Variants in CACNA1C observed in about 807,000 individuals in gnomAD.
CACNA1C encodes the protein calcium voltage-gated channel subunit alpha1 C.
A neutral mutation model predicts 229.0 loss-of-function variants in CACNA1C; 30 were observed. The observed-to-expected ratio is 0.13, with a 90% CI of 0.10 to 0.18. The LOEUF (loss-of-function observed/expected upper bound fraction) is 0.18, where lower values mean the gene tolerates loss of function less well. Among genes scored for constraint, CACNA1C ranks in the 10% least tolerant of loss-of-function variants. The pLI, the probability that CACNA1C is intolerant of heterozygous loss-of-function variation, is 1.00. For synonymous variants in CACNA1C, 1,114 were observed against 1,132.5 expected (o/e 0.98, Z 0.33); for missense variants, 1,658 against 2,845.0 (o/e 0.58, Z 9.49).
chr12:2,575,411 T>A lies in CACNA1C; in HGVS notation c.1896-6179T>A, dbSNP rs2058036397. Among the ~76,000 whole-genome samples, 1 of 152,130 alleles carries A rather than the reference T, an allele frequency of 6.6e-6. No individual in the cohort carries two copies. The highest frequency in any genetic ancestry group is 1.5e-5 in the Non-Finnish European group (1 of 68,028). On this transcript the variant is annotated intron_variant, in intron 13 of 46. Transcript: ENST00000399655. The surrounding 1 kb of genome is among the most constrained non-coding windows in gnomAD (Gnocchi z 4.0). ...ATCCTAATCCCTCCCAGCTCTATTG[T>A]GTCTTAAGGGGCTGGGGCTCAATTT... is the stretch of plus-strand genomic sequence containing the variant.
chr12:2,097,190 G>A (rs544462254), intron 1 of CACNA1C, among the ~76,000 whole-genome samples: 194 of 152,194 alleles, frequency 1.3e-3, no homozygotes, highest in African/African-American at 4.5e-3. Flanking sequence ...CTGTCACCCA[G>A]GCTGGAGTGC....
intron 3 of CACNA1C, among the ~76,000 whole-genome samples, chr12:2,370,789 T>C (rs1413902694): frequency 6.6e-6 from 1 of 152,116 alleles, no homozygotes; most frequent in Non-Finnish European, 1.5e-5. Context: ...ATGAAAAGGA[T>C]CGGGGGGATT....
chr12:2,027,093 C>T (rs992963126), intron 1 of CACNA1C, among the ~76,000 whole-genome samples: 3 of 152,152 alleles, frequency 2.0e-5, no homozygotes, highest in Admixed American at 6.5e-5. Context: ...TGTCATCAGG[C>T]TAGTAAGCCA....
intron 9 of CACNA1C, chr12:2,547,591 G>A: frequency 1.3e-6 from 1 of 764,698 alleles, no homozygotes; most frequent in Non-Finnish European, 2.4e-6. Context: ...ATGGGAAGGT[G>A]TCTCTCTTGA....
chr12:2,396,980 C>T (rs996237239), intron 3 of CACNA1C, among the ~76,000 whole-genome samples: 4 of 152,264 alleles, frequency 2.6e-5, no homozygotes, highest in Non-Finnish European at 4.4e-5. Flanking sequence ...ACTGTTTAGC[C>T]TGTTAGTAGT....
At chr12:2,302,925 T>C (rs1454730408) in intron 3 of CACNA1C, among the ~76,000 whole-genome samples, 1 of 152,248 alleles carries the variant, frequency 6.6e-6, no homozygotes, top group Non-Finnish European at 1.5e-5. Flanking sequence ...CTGGGCTTGC[T>C]GCCTTGGCCA....
At chr12:2,046,658 T>C (rs1242742085) in intron 1 of CACNA1C, among the ~76,000 whole-genome samples, 1 of 152,196 alleles carries the variant, frequency 6.6e-6, no homozygotes, top group Non-Finnish European at 1.5e-5. Flanking sequence ...GTTAGTCATG[T>C]TACCACACCT....
chr12:2,302,688 G>A (rs1325537647), intron 3 of CACNA1C, among the ~76,000 whole-genome samples: 5 of 152,294 alleles, frequency 3.3e-5, no homozygotes, highest in Admixed American at 3.3e-4. Context: ...TACATCAATA[G>A]CTTATTCGCC....
intron 1 of CACNA1C, among the ~76,000 whole-genome samples, chr12:2,093,532 T>G (rs1170028506): frequency 6.6e-6 from 1 of 152,200 alleles, no homozygotes; most frequent in Non-Finnish European, 1.5e-5. Context: ...GCTGGCAACA[T>G]GTGTTCGTAC....
chr12:2,310,772 T>G (rs1258643165), intron 3 of CACNA1C, among the ~76,000 whole-genome samples: 1 of 152,098 alleles, frequency 6.6e-6, no homozygotes, highest in Non-Finnish European at 1.5e-5. Context: ...GCTGGTGTGT[T>G]TTGGAGAGCT....
At chr12:2,126,359 C>T (rs1040796063) in intron 3 of CACNA1C, among the ~76,000 whole-genome samples, 6 of 152,170 alleles carry the variant, frequency 3.9e-5, no homozygotes, top group Admixed American at 3.3e-4. Context: ...GCAGCTGTAA[C>T]CCCTGTCTAC....
At chr12:2,257,662 C>G (rs2078502618) in intron 3 of CACNA1C, among the ~76,000 whole-genome samples, 1 of 152,246 alleles carries the variant, frequency 6.6e-6, no homozygotes, top group South Asian at 2.1e-4. Context: ...GACCCCCGCT[C>G]TAGCGTGTTC....
intron 3 of CACNA1C, among the ~76,000 whole-genome samples, chr12:2,376,903 C>G (rs73607724): frequency 2.6e-5 from 4 of 152,192 alleles, no homozygotes; most frequent in Admixed American, 2.0e-4. Flanking sequence ...AAAGCATGCT[C>G]GCTACGCCCA....
At chr12:2,362,557 T>C (rs2097584217) in intron 3 of CACNA1C, among the ~76,000 whole-genome samples, 1 of 152,206 alleles carries the variant, frequency 6.6e-6, no homozygotes, top group Non-Finnish European at 1.5e-5. Context: ...CTTGTTCTCC[T>C]GCTGGGGTGC....
At chr12:1,979,910 A>G (rs2035613525) in intron 1 of CACNA1C, among the ~76,000 whole-genome samples, 1 of 152,246 alleles carries the variant, frequency 6.6e-6, no homozygotes, top group Non-Finnish European at 1.5e-5. Context: ...GGTAAAATGC[A>G]AATTAAAATC....
chr12:2,257,876 G>A (rs559511986), intron 3 of CACNA1C, among the ~76,000 whole-genome samples: 6 of 152,166 alleles, frequency 3.9e-5, no homozygotes, highest in African/African-American at 7.2e-5. Flanking sequence ...CTTACTGTTA[G>A]GTTTAACCTT....
chr12:2,630,163 C>A lies in CACNA1C; in HGVS notation c.3829-4134C>A, dbSNP rs140428029. Among the ~76,000 whole-genome samples, 248 of 152,356 alleles carry A rather than the reference C, an allele frequency of 1.6e-3. 1 individual carries two copies. Among genetic ancestry groups the A allele is most frequent in the African/African-American group, 5.6e-3 (231 of 41,574 alleles). ...GGAAAACCCTTTCTCCAACCCCTTA[C>A]TTCTCAACCATTTGGGACACAGTCA... On this transcript the variant is annotated intron_variant, in intron 29 of 46. Coordinates refer to ENST00000399655, the MANE Select transcript of CACNA1C (RefSeq NM_000719.7). This position sits in a 1 kb window ranked among gnomAD's most constrained non-coding sequence, Gnocchi z 5.4.
At position 2,071,908 on chromosome 12, in the gene CACNA1C, A is replaced by G. The variant is rs538433334; in HGVS notation, c.49+18297A>G. On this transcript the variant is annotated intron_variant, in intron 1 of 46. Coordinates refer to ENST00000399655, the MANE Select transcript of CACNA1C (RefSeq NM_000719.7). Reference sequence around the variant, plus strand: ...TTCTCCATTCCTTGGTGCTCTGAGCATGGCCTGCCATACTGCCAGAACTGG... The same window carrying G: ...TTCTCCATTCCTTGGTGCTCTGAGCGTGGCCTGCCATACTGCCAGAACTGG... 2.7e-4 allele frequency among the ~76,000 whole-genome samples: 41 copies of G among 152,270 alleles called. No individual in the cohort carries two copies. In the South Asian group the frequency reaches 4.6e-3, roughly 17 times the overall value.
intron 1 of CACNA1C, among the ~76,000 whole-genome samples, chr12:2,106,465 C>G (rs1565719781): frequency 2.3e-5 from 2 of 87,654 alleles, no homozygotes; most frequent in African/African-American, 4.4e-5. Context: ...CTGGGGTGTC[C>G]TGAAGCCACT....
Sources: allele counts gnomAD v4.1 joint callset (sites outside exome capture counted in the v4.1 genomes callset), GRCh38; gene constraint gnomAD v4.1.1; non-coding constraint Gnocchi (gnomAD v3.1); transcripts MANE v1.5; gene names NCBI Gene and HGNC (gene_info 2026-07-23, HGNC 2026-07-21).